Variants in FNIP2 observed in about 807,000 individuals in gnomAD.
The protein encoded by FNIP2 is folliculin-interacting protein 2.
FNIP2 carries 32 observed loss-of-function variants against 108.7 expected under a neutral mutation model. The ratio of observed to expected loss-of-function variants is 0.29; its 90% confidence interval spans 0.22 to 0.40. The LOEUF (loss-of-function observed/expected upper bound fraction) is 0.40. FNIP2 is among the 10% of genes least tolerant of loss of function. FNIP2 has a pLI of 1.00. For synonymous variants in FNIP2, 480 were observed against 496.7 expected (o/e 0.97, Z 0.45); for missense variants, 1,202 against 1,381.6 (o/e 0.87, Z 2.06).
At position 158,829,237 on chromosome 4, in the gene FNIP2, C is replaced by T. The variant is rs1257585423; in HGVS notation, c.381+12C>T. 2 of 1,589,932 alleles carry T rather than the reference C, an allele frequency of 1.3e-6. No individual in the cohort carries two copies. The highest frequency in any genetic ancestry group is 2.3e-5 in the East Asian group (1 of 43,992). ...TTCCAAAGTACCAGGTACAACCATC[C>T]CTTCTGTGGGAATAGCCCCTGAGGT... On this transcript the variant is annotated intron_variant, in intron 3 of 16. Transcript: ENST00000264433.
At chr4:158,772,244 A>C (rs888753939) in intron 1 of FNIP2, among the ~76,000 whole-genome samples, 1 of 152,252 alleles carries the variant, frequency 6.6e-6, no homozygotes, top group Non-Finnish European at 1.5e-5. Flanking sequence ...TAGGACAAAA[A>C]AAATGATGTG....
chr4:158,894,899 A>G (rs943400424), intron 15 of FNIP2, among the ~76,000 whole-genome samples: 1 of 152,226 alleles, frequency 6.6e-6, no homozygotes, highest in Non-Finnish European at 1.5e-5. Flanking sequence ...CCAGATGGTC[A>G]AGATCAACAT....
chr4:158,856,691 G>GT (rs1458244385), intron 8 of FNIP2, among the ~76,000 whole-genome samples: 10 of 152,248 alleles, frequency 6.6e-5, no homozygotes, highest in Middle Eastern at 6.8e-3. Context: ...GGAATCCTGG[G>GT]TTCTAACTCC....
At chr4:158,896,612 T>C (rs1782696940) in intron 16 of FNIP2, among the ~76,000 whole-genome samples, 1 of 152,180 alleles carries the variant, frequency 6.6e-6, no homozygotes, top group South Asian at 2.1e-4. Context: ...GGGGCCTTTG[T>C]GTTTTGCTTA....
chr4:158,841,530 G>A (rs1281504846), intron 7 of FNIP2, among the ~76,000 whole-genome samples: 2 of 152,174 alleles, frequency 1.3e-5, no homozygotes, highest in South Asian at 2.1e-4. Context: ...AGGAGCAAGA[G>A]CAAAGGAGGG....
intron 8 of FNIP2, among the ~76,000 whole-genome samples, chr4:158,856,833 GAC>G (rs1441021128): frequency 6.6e-6 from 1 of 152,172 alleles, no homozygotes; most frequent in African/African-American, 2.4e-5. Flanking sequence ...GAAGTACTGG[GAC>G]ACACACTTAA....
intron 1 of FNIP2, among the ~76,000 whole-genome samples, chr4:158,779,592 A>G (rs1215290124): frequency 1.5e-5 from 2 of 134,326 alleles, no homozygotes; most frequent in Non-Finnish European, 3.1e-5. Flanking sequence ...TTTTTTTGAG[A>G]TAGAGTCTCA....
At chr4:158,826,137 A>G (rs868475944) in intron 2 of FNIP2, 95 bp downstream of exon 2, 1 of 1,461,010 alleles carries the variant, frequency 6.8e-7, no homozygotes, top group East Asian at 2.6e-5. Flanking sequence ...TCTTTGAGTT[A>G]TATTATACAG....
Position 158,891,512 on chromosome 4 carries a change from G to A in FNIP2, c.3016G>A (p.Val1006Met). ...TATCGCAGACACGGATAAATGGAGTGTGCAGGTAGCTACAAGTCAGAGGAA... is the reference window on the plus strand; with the variant it reads ...TATCGCAGACACGGATAAATGGAGTATGCAGGTAGCTACAAGTCAGAGGAA... The part of the protein sequence containing the change: ...CIIADTDKWS[V>M]QVATSQRKVT... Residue 1006 changes from valine (V) to methionine (M), a missense_variant, in exon 15 of 17, where the codon GTG becomes ATG. Physicochemically the swap from Val to Met is conservative, Grantham distance 21. Around this residue, in one of 5 missense-constraint regions of FNIP2, gnomAD observed 142 missense variants for 183.8 expected, o/e 0.77. Transcript: ENST00000264433. The A allele has an allele frequency of 6.2e-7, 1 of 1,610,180 alleles. No homozygotes were observed. The highest frequency in any genetic ancestry group is 8.5e-7 in the Non-Finnish European group (1 of 1,178,158).
chr4:158,838,409 T>TG (rs1029648855), intron 7 of FNIP2, among the ~76,000 whole-genome samples: 2 of 151,906 alleles, frequency 1.3e-5, no homozygotes, highest in African/African-American at 4.8e-5. Context: ...TTGGTAGAGA[T>TG]GGAGTTTCGC....
At chr4:158,803,070 G>A (rs574605137) in intron 1 of FNIP2, among the ~76,000 whole-genome samples, 1 of 152,300 alleles carries the variant, frequency 6.6e-6, no homozygotes, top group African/African-American at 2.4e-5. Flanking sequence ...CATCAGTTTT[G>A]TGAAAGTAGC....
At chr4:158,851,832 G>A (rs1024466627) in intron 8 of FNIP2, among the ~76,000 whole-genome samples, 47 of 152,184 alleles carry the variant, frequency 3.1e-4, no homozygotes, top group Non-Finnish European at 1.5e-4. Context: ...AAAAATATAT[G>A]AAGTCAAGGG....
Position 158,861,362 on chromosome 4 carries a change from A to G in FNIP2, c.1169A>G (p.Tyr390Cys). The change falls in exon 11 of 17, where the codon TAT becomes TGT. Residue 390 changes from tyrosine (Y) to cysteine (C), a missense_variant. Around this residue, in one of 5 missense-constraint regions of FNIP2, gnomAD observed 878 missense variants for 990.3 expected, o/e 0.89. Coordinates refer to ENST00000264433, the MANE Select transcript of FNIP2 (RefSeq NM_020840.3). ...GEFRGTIWNL[Y>C]SVPRIAEPVW... ...TATAGAGGAACTATCTGGAACTTATATTCTGTTCCAAGGATAGCTGAACCT... is the reference window on the plus strand; with the variant it reads ...TATAGAGGAACTATCTGGAACTTATGTTCTGTTCCAAGGATAGCTGAACCT... The G allele has an allele frequency of 1.2e-6, 2 of 1,613,870 alleles. No individual in the cohort carries two copies. Among genetic ancestry groups the G allele is most frequent in the East Asian group, 2.2e-5 (1 of 44,890 alleles).
At chr4:158,799,276 T>C (rs1336231271) in intron 1 of FNIP2, among the ~76,000 whole-genome samples, 2 of 152,206 alleles carry the variant, frequency 1.3e-5, no homozygotes, top group Non-Finnish European at 2.9e-5. Context: ...GATTTAATTA[T>C]GTTATAGCTG....
intron 12 of FNIP2, among the ~76,000 whole-genome samples, chr4:158,863,786 G>C (rs1010363234): frequency 6.6e-6 from 1 of 150,536 alleles, no homozygotes; most frequent in African/African-American, 2.4e-5. Flanking sequence ...AAATGCCACT[G>C]TCTACACCAC....
intron 8 of FNIP2, among the ~76,000 whole-genome samples, chr4:158,856,675 A>AAG (rs1470864534): frequency 6.6e-6 from 1 of 152,140 alleles, no homozygotes; most frequent in African/African-American, 2.4e-5. Flanking sequence ...CCTAGACTAG[A>AAG]AGATAGGAAT....
intron 8 of FNIP2, among the ~76,000 whole-genome samples, chr4:158,854,218 G>A (rs940719385): frequency 7.2e-5 from 11 of 152,172 alleles, no homozygotes; most frequent in Non-Finnish European, 1.5e-5. Context: ...CTGTCCTGGT[G>A]CTCAGGTCAT....
chr4:158,782,736 G>A (rs971777137), intron 1 of FNIP2, among the ~76,000 whole-genome samples: 1 of 152,132 alleles, frequency 6.6e-6, no homozygotes, highest in Non-Finnish European at 1.5e-5. Flanking sequence ...TGGAAAAAGG[G>A]AGGGAGAGGG....
intron 1 of FNIP2, among the ~76,000 whole-genome samples, chr4:158,816,905 A>G (rs1401612524): frequency 6.6e-6 from 1 of 151,364 alleles, no homozygotes; most frequent in Non-Finnish European, 1.5e-5. Flanking sequence ...TTTCTAGTTT[A>G]TAGATATCAG....
Sources: gnomAD v4.1 joint callset for allele counts (sites outside exome capture counted in the v4.1 genomes callset) on GRCh38, gnomAD v4.1.1 for gene constraint, gnomAD v4.1.1 regional missense constraint, MANE v1.5 for transcripts, NCBI Gene and HGNC (gene_info 2026-07-23, HGNC 2026-07-21) for gene names.